Variants in RPS6KC1 observed in about 807,000 individuals in gnomAD.
RPS6KC1 encodes the protein ribosomal protein S6 kinase C1, also known as inactive ribosomal protein S6 kinase delta-1.
A neutral mutation model predicts 103.8 loss-of-function variants in RPS6KC1; 54 were observed. The ratio of observed to expected loss-of-function variants is 0.52; its 90% CI spans 0.42 to 0.65. The LOEUF (loss-of-function observed/expected upper bound fraction) is 0.65, where lower values mean the gene tolerates loss of function less well. Ranked by LOEUF, RPS6KC1 falls within the 30% of genes least tolerant of loss-of-function variation. RPS6KC1 has a pLI of 0.00. For missense variants in RPS6KC1, 1,151 were observed against 1,253.8 expected, an observed-to-expected ratio of 0.92 and a Z score of 1.24; for synonymous variants, 439 against 438.7, an observed-to-expected ratio of 1.00 and a Z score of -0.01.
At chr1:213,369,980 A>G in the RPS6KC1 span, among the ~76,000 whole-genome samples, 1 of 152,188 alleles carries the variant, frequency 6.6e-6, no homozygotes, top group Non-Finnish European at 1.5e-5. Context: ...ATGGTGCCAA[A>G]TCTGTCTAGG....
the RPS6KC1 span, among the ~76,000 whole-genome samples, chr1:213,334,262 T>A: frequency 6.6e-6 from 1 of 152,172 alleles, no homozygotes. Context: ...TTGATTAGCT[T>A]CCCCCAGGAC....
intron 10 of RPS6KC1, among the ~76,000 whole-genome samples, chr1:213,238,089 G>C (rs1020188153): frequency 2.6e-5 from 4 of 152,024 alleles, no homozygotes; most frequent in Non-Finnish European, 5.9e-5. Context: ...TCTGCCTGCA[G>C]CTATTAAGAC....
At chr1:213,216,470 A>C (rs2093663312) in intron 8 of RPS6KC1, among the ~76,000 whole-genome samples, 1 of 152,204 alleles carries the variant, frequency 6.6e-6, no homozygotes, top group Non-Finnish European at 1.5e-5. Context: ...AACAAGACAG[A>C]AAGTTAACAA....
At chr1:213,347,757 G>A in the RPS6KC1 span, among the ~76,000 whole-genome samples, 1 of 152,094 alleles carries the variant, frequency 6.6e-6, no homozygotes, top group African/African-American at 2.4e-5. Context: ...TATAAGTCTA[G>A]CTTTCAAATC....
the RPS6KC1 span, among the ~76,000 whole-genome samples, chr1:213,749,164 A>T: frequency 6.6e-6 from 1 of 152,212 alleles, no homozygotes; most frequent in Non-Finnish European, 1.5e-5. Context: ...CACTGAGCCC[A>T]TGGAAAGCAT....
intron 8 of RPS6KC1, among the ~76,000 whole-genome samples, chr1:213,222,344 A>G (rs1344589673): frequency 6.6e-6 from 1 of 152,176 alleles, no homozygotes; most frequent in African/African-American, 2.4e-5. Flanking sequence ...TATCTTGTAG[A>G]CTAGAGTTAT....
At chr1:213,258,489 C>T (rs1389490528) in intron 12 of RPS6KC1, among the ~76,000 whole-genome samples, 4 of 152,146 alleles carry the variant, frequency 2.6e-5, no homozygotes. Flanking sequence ...CATAATTTAA[C>T]AGTGTGGCCA....
At chr1:213,452,728 T>C in the RPS6KC1 span, among the ~76,000 whole-genome samples, 1 of 152,228 alleles carries the variant, frequency 6.6e-6, no homozygotes, top group Non-Finnish European at 1.5e-5. Context: ...TGTCCTGTGC[T>C]GCTGGCTCCA....
intron 6 of RPS6KC1, among the ~76,000 whole-genome samples, chr1:213,132,152 A>T (rs1471210506): frequency 6.6e-6 from 1 of 152,206 alleles, no homozygotes; most frequent in Non-Finnish European, 1.5e-5. Context: ...CTCCACTAGA[A>T]CTTGATACCA....
the RPS6KC1 span, among the ~76,000 whole-genome samples, chr1:213,809,053 C>T: frequency 1.3e-5 from 2 of 152,154 alleles, no homozygotes; most frequent in Non-Finnish European, 2.9e-5. Context: ...TAGCTTTTGG[C>T]CTATTTCAGT....
At chr1:213,413,471 C>T in the RPS6KC1 span, among the ~76,000 whole-genome samples, 1 of 152,158 alleles carries the variant, frequency 6.6e-6, no homozygotes, top group Non-Finnish European at 1.5e-5. Flanking sequence ...TGGTTGTACT[C>T]ATGGTTGCCT....
intron 6 of RPS6KC1, among the ~76,000 whole-genome samples, chr1:213,166,770 G>A (rs2091002312): frequency 6.6e-6 from 1 of 152,224 alleles, no homozygotes; most frequent in Non-Finnish European, 1.5e-5. Flanking sequence ...ATTTAGTCAG[G>A]ATTCTTTGGT....
chr1:213,601,052 T>A, the RPS6KC1 span, among the ~76,000 whole-genome samples: 3 of 152,184 alleles, frequency 2.0e-5, no homozygotes, highest in Non-Finnish European at 2.9e-5. Flanking sequence ...AACAAATAAA[T>A]GATCCTCATT....
chr1:213,649,601 C>T, the RPS6KC1 span, among the ~76,000 whole-genome samples: 1 of 152,146 alleles, frequency 6.6e-6, no homozygotes, highest in African/African-American at 2.4e-5. Flanking sequence ...CCTCCCCCGC[C>T]CACCAGGTAG....
chr1:213,106,965 G>A (rs971703035), intron 4 of RPS6KC1, among the ~76,000 whole-genome samples: 5 of 151,368 alleles, frequency 3.3e-5, no homozygotes, highest in African/African-American at 9.7e-5. Flanking sequence ...TTCTGAGACA[G>A]AATCTCACTC....
At chr1:213,345,884 T>G in the RPS6KC1 span, among the ~76,000 whole-genome samples, 2 of 152,230 alleles carry the variant, frequency 1.3e-5, no homozygotes, top group Non-Finnish European at 2.9e-5. Context: ...TCTGCACTTC[T>G]TTTCTTTCTG....
At chr1:213,397,496 A>ATT in the RPS6KC1 span, among the ~76,000 whole-genome samples, 1 of 151,746 alleles carries the variant, frequency 6.6e-6, no homozygotes, top group African/African-American at 2.4e-5. Context: ...TCCACCAAGA[A>ATT]GAAGGATCTG....
chr1:213,334,045 G>T, the RPS6KC1 span, among the ~76,000 whole-genome samples: 1 of 152,088 alleles, frequency 6.6e-6, no homozygotes, highest in Non-Finnish European at 1.5e-5. Context: ...AATGGGATTG[G>T]TACTACCTGG....
chr1:213,521,520 A>G, the RPS6KC1 span, among the ~76,000 whole-genome samples: 3 of 152,156 alleles, frequency 2.0e-5, no homozygotes, highest in Non-Finnish European at 2.9e-5. Flanking sequence ...TGCCACATCC[A>G]TTGATTCTTC....
Sources: allele counts gnomAD v4.1 joint callset (sites outside exome capture counted in the v4.1 genomes callset), GRCh38; gene constraint gnomAD v4.1.1; transcripts MANE v1.5; gene names NCBI Gene and HGNC (gene_info 2026-07-23, HGNC 2026-07-21).